The following DIAPH2 variants were observed in gnomAD, a reference collection of about 807,000 sequenced individuals.
The protein encoded by DIAPH2 is protein diaphanous homolog 2.
DIAPH2 carries 35 observed loss-of-function variants against 92.7 expected under a neutral mutation model. The ratio of observed to expected loss-of-function variants is 0.38; its 90% CI spans 0.29 to 0.50. DIAPH2 has a LOEUF of 0.50. DIAPH2 is among the 20% of genes least tolerant of loss of function. The probability of loss-of-function intolerance (pLI) is 0.94; values close to 1 mark genes in which losing one functional copy is unlikely to be tolerated. For synonymous variants in DIAPH2, 301 were observed against 280.4 expected (o/e 1.07, Z -0.73); for missense variants, 701 against 819.5 (o/e 0.86, Z 1.77).
intron 19 of DIAPH2, among the ~76,000 whole-genome samples, chrX:97,095,841 T>C (rs2066864902): frequency 8.9e-6 from 1 of 112,170 alleles, no homozygotes; most frequent in Non-Finnish European, 1.9e-5. Context: ...GAATGTAAAT[T>C]TGTGATGCGT....
intron 17 of DIAPH2, among the ~76,000 whole-genome samples, chrX:96,983,569 A>G (rs989685159): frequency 8.9e-6 from 1 of 112,179 alleles, no homozygotes; most frequent in Non-Finnish European, 1.9e-5. Context: ...GCCTACCTAT[A>G]TCACAATATA....
At chrX:97,351,786 G>C (rs964269865) in intron 24 of DIAPH2, among the ~76,000 whole-genome samples, 7 of 110,871 alleles carry the variant, frequency 6.3e-5, no homozygotes, top group Non-Finnish European at 1.3e-4. Flanking sequence ...CTGGGCGACA[G>C]AGAGAGACTC....
At chrX:97,133,443 A>G (rs1443495284) in intron 21 of DIAPH2, among the ~76,000 whole-genome samples, 1 of 111,357 alleles carries the variant, frequency 9.0e-6, no homozygotes, top group Non-Finnish European at 1.9e-5. Flanking sequence ...ATGTGCCACC[A>G]CGCCTAGCTA....
intron 17 of DIAPH2, among the ~76,000 whole-genome samples, chrX:97,071,921 G>T (rs1384839269): frequency 8.9e-6 from 1 of 111,864 alleles, no homozygotes; most frequent in Non-Finnish European, 1.9e-5. Context: ...GGTCATATAT[G>T]AACCAGTGAT....
chrX:97,600,113 A>T lies in DIAPH2; in HGVS notation c.*796A>T, dbSNP rs1217091458. 3.5e-5 allele frequency: 4 copies of T among 112,799 alleles called. No individual in the cohort carries two copies. Among genetic ancestry groups the T allele is most frequent in the Non-Finnish European group, 7.5e-5 (4 of 53,206 alleles). 9.3% of individuals were successfully genotyped at this position (112,799 alleles called of 1,213,427 possible). A position where few individuals can be genotyped will look rare whatever the true frequency, so the allele number is the denominator to read the frequency against. On this transcript the variant is annotated 3_prime_UTR_variant, in exon 27 of 27. Coordinates refer to ENST00000324765, the MANE Select transcript of DIAPH2 (RefSeq NM_006729.5). The stretch of plus-strand genomic sequence containing the variant: ...ATACTTTATATGGCTATTTTTGAGA[A>T]AACCCTCACATTTTAATGTTTATGC...
chrX:97,295,783 G>A lies in DIAPH2; in HGVS notation c.2844+47944G>A, dbSNP rs12688230. Among the ~76,000 whole-genome samples the A allele has an allele frequency of 6.6e-5, 7 of 105,993 alleles. No individual in the cohort carries two copies. The South Asian group carries it at 1.8e-3, about 27-fold the overall frequency. The allele number at this position is 105,993 out of a possible 115,157, so 92.0% of individuals were successfully genotyped here. The stretch of plus-strand genomic sequence containing the variant: ...TTTCACTTTTGTCGCCTATGCTGGA[G>A]TGCAATGGCCTAATCTCAGCTCACT... On this transcript the variant is annotated intron_variant, in intron 23 of 26. Transcript: ENST00000324765.
chrX:97,360,964 G>A (rs1160905961), intron 24 of DIAPH2, among the ~76,000 whole-genome samples: 4 of 110,495 alleles, frequency 3.6e-5, no homozygotes, highest in Non-Finnish European at 7.6e-5. Flanking sequence ...CAGACCCCTG[G>A]GCTCAAGCTA....
chrX:97,168,268 A>T (rs1343111174), intron 22 of DIAPH2, among the ~76,000 whole-genome samples: 2 of 109,044 alleles, frequency 1.8e-5, no homozygotes, highest in Non-Finnish European at 1.9e-5. Context: ...TTGTATTTTT[A>T]GTAGTGACGG....
chrX:97,429,351 G>A (rs1292852434), intron 25 of DIAPH2, among the ~76,000 whole-genome samples: 1 of 111,313 alleles, frequency 9.0e-6, no homozygotes, highest in Non-Finnish European at 1.9e-5. Context: ...ATCTTAACAG[G>A]AAGGCAGCAG....
chrX:96,809,139 A>T (rs1025115911), intron 4 of DIAPH2, among the ~76,000 whole-genome samples: 17 of 111,248 alleles, frequency 1.5e-4, no homozygotes, highest in Non-Finnish European at 2.8e-4. Flanking sequence ...TAAACAAGAT[A>T]TCTCTCTCTC....
At chrX:97,055,117 G>A (rs1298628252) in intron 17 of DIAPH2, among the ~76,000 whole-genome samples, 1 of 99,100 alleles carries the variant, frequency 1.0e-5, no homozygotes, top group Non-Finnish European at 2.0e-5. Context: ...TTTCACTTTT[G>A]TAAACATGAG....
intron 4 of DIAPH2, among the ~76,000 whole-genome samples, chrX:96,797,090 A>G (rs1327579241): frequency 1.8e-5 from 2 of 112,158 alleles, no homozygotes; most frequent in Non-Finnish European, 3.8e-5. Flanking sequence ...GCAGATTTCT[A>G]AGATGACAGA....
intron 1 of DIAPH2, among the ~76,000 whole-genome samples, chrX:96,697,753 C>G (rs1019070973): frequency 9.0e-6 from 1 of 111,458 alleles, no homozygotes; most frequent in African/African-American, 3.3e-5. Flanking sequence ...CTCAAGGTAG[C>G]TCTAAATTGA....
chrX:96,793,317 C>T lies in DIAPH2; in HGVS notation c.447+35059C>T, dbSNP rs377329009. Among the ~76,000 whole-genome samples the T allele has an allele frequency of 2.7e-5, 3 of 111,587 alleles. No individual in the cohort carries two copies. In the South Asian group the frequency reaches 1.1e-3, roughly 42 times the overall value. ...CTGAGTAGCTGGGATTACGGGCATGCGCCACCACACCTGGCTAATTTTTGT... is the reference window on the plus strand; with the variant it reads ...CTGAGTAGCTGGGATTACGGGCATGTGCCACCACACCTGGCTAATTTTTGT... On this transcript the variant is annotated intron_variant, in intron 4 of 26. Transcript: ENST00000324765.
intron 23 of DIAPH2, among the ~76,000 whole-genome samples, chrX:97,308,654 A>G (rs1204627310): frequency 1.3e-5 from 1 of 79,876 alleles, no homozygotes; most frequent in Admixed American, 1.9e-4. Flanking sequence ...GGAGTCTCGC[A>G]CTGTCGTCCA....
chrX:97,178,757 T>A (rs10217853), intron 22 of DIAPH2, among the ~76,000 whole-genome samples: 1 of 111,298 alleles, frequency 9.0e-6, no homozygotes, highest in Non-Finnish European at 1.9e-5. Flanking sequence ...TAATCGTCAA[T>A]GTGATAGTAT....
chrX:96,717,658 C>T (rs2063958346), intron 1 of DIAPH2, among the ~76,000 whole-genome samples: 1 of 104,236 alleles, frequency 9.6e-6, no homozygotes, highest in African/African-American at 3.5e-5. Context: ...CTTTCCCCCA[C>T]CCGCTCTGGC....
chrX:97,493,649 C>T (rs1243216301), intron 26 of DIAPH2, among the ~76,000 whole-genome samples: 1 of 110,013 alleles, frequency 9.1e-6, no homozygotes, highest in African/African-American at 3.3e-5. Context: ...GAGGCCAAGG[C>T]AGGTGGATCA....
intron 2 of DIAPH2, among the ~76,000 whole-genome samples, chrX:96,738,060 G>T (rs1358829754): frequency 1.8e-5 from 2 of 111,591 alleles, no homozygotes; most frequent in Non-Finnish European, 3.8e-5. Context: ...GCAGAGCTTG[G>T]ACTGAAACCC....
Sources: gnomAD v4.1 joint callset for allele counts (sites outside exome capture counted in the v4.1 genomes callset) on GRCh38, gnomAD v4.1.1 for gene constraint, MANE v1.5 for transcripts, NCBI Gene and HGNC (gene_info 2026-07-23, HGNC 2026-07-21) for gene names.